THRB: variants seen among roughly 807,000 people sequenced by gnomAD.
The protein encoded by THRB is thyroid hormone receptor beta.
THRB carries 12 observed loss-of-function variants against 47.8 expected under a neutral mutation model. The ratio of observed to expected loss-of-function variants is 0.25; its 90% CI spans 0.16 to 0.41. The LOEUF (loss-of-function observed/expected upper bound fraction) is 0.41, where lower values mean the gene tolerates loss of function less well. Among genes scored for constraint, THRB ranks in the 10% least tolerant of loss-of-function variants. THRB has a pLI of 1.00. For missense variants in THRB, 348 were observed against 589.2 expected (o/e 0.59, Z 4.24); for synonymous variants, 218 against 212.2 (o/e 1.03, Z -0.24).
At chr3:24,272,015 A>C (rs1910854) in intron 3 of THRB, among the ~76,000 whole-genome samples, 17,630 of 152,200 alleles carry the variant, frequency 0.12, 1,290 homozygotes, top group Middle Eastern at 0.17. Context: ...TTAGCTCCAT[A>C]ATCTTTGGAT....
intron 1 of THRB, among the ~76,000 whole-genome samples, chr3:24,417,095 A>AACACAC (rs67541584): frequency 1.9e-4 from 26 of 135,676 alleles, no homozygotes; most frequent in East Asian, 7.8e-4. Context: ...ATTTTAAACC[A>AACACAC]ACACACACAC....
At chr3:24,186,334 A>G (rs1425349532) in intron 5 of THRB, among the ~76,000 whole-genome samples, 1 of 151,410 alleles carries the variant, frequency 6.6e-6, no homozygotes, top group Non-Finnish European at 1.5e-5. Context: ...TCAGACTGGG[A>G]AGGGAGGAGG....
At chr3:24,351,366 T>C (rs1486104344) in intron 1 of THRB, among the ~76,000 whole-genome samples, 1 of 152,112 alleles carries the variant, frequency 6.6e-6, no homozygotes, top group East Asian at 1.9e-4. Flanking sequence ...TGCCTTCACA[T>C]CCTAATCCTT....
At chr3:24,465,504 G>A (rs1283725094) in intron 1 of THRB, among the ~76,000 whole-genome samples, 2 of 152,106 alleles carry the variant, frequency 1.3e-5, no homozygotes, top group Non-Finnish European at 2.9e-5. Context: ...CTGGGTTCAA[G>A]TGATTCTCCC....
chr3:24,377,702 A>G (rs1428939593), intron 1 of THRB, among the ~76,000 whole-genome samples: 2 of 152,130 alleles, frequency 1.3e-5, no homozygotes, highest in Non-Finnish European at 2.9e-5. Context: ...TGAGAGAGTC[A>G]ACATTTGATA....
At chr3:24,230,470 T>C (rs1265492238) in intron 3 of THRB, among the ~76,000 whole-genome samples, 1 of 152,184 alleles carries the variant, frequency 6.6e-6, no homozygotes, top group Admixed American at 6.5e-5. Flanking sequence ...TATTCACTGC[T>C]AGGAAAATGC....
chr3:24,267,353 T>C (rs1338647628), intron 3 of THRB, among the ~76,000 whole-genome samples: 1 of 151,440 alleles, frequency 6.6e-6, no homozygotes, highest in Non-Finnish European at 1.5e-5. Flanking sequence ...AAAGGTATAA[T>C]GTTAGAAACT....
In THRB at chr3:24,190,216, G is replaced by A. The variant is rs1174766173; in HGVS notation, c.141C>T (p.Ser47=). 8.1e-6 allele frequency: 13 copies of A among 1,613,994 alleles called. No homozygotes were observed. The highest frequency in any genetic ancestry group is 1.1e-5 in the Non-Finnish European group (13 of 1,179,990). Residue 47 remains serine (S), a synonymous_variant, in exon 5 of 11, where the codon AGC becomes AGT. Transcript: ENST00000646209. ...GCGACGACTGTTCATTTTTCAACGTGCTGCGCCTCTCTGAATGGCTCTTCC... is the reference window on the plus strand; with the variant it reads ...GCGACGACTGTTCATTTTTCAACGTACTGCGCCTCTCTGAATGGCTCTTCC... The part of the protein sequence containing the change: ...LHRKSHSERR[S]TLKNEQSSPH...
chr3:24,232,481 G>T (rs1213190272), intron 3 of THRB, among the ~76,000 whole-genome samples: 1 of 152,210 alleles, frequency 6.6e-6, no homozygotes, highest in African/African-American at 2.4e-5. Context: ...TTTGAGTGGA[G>T]GTGACCCCAG....
chr3:24,159,425 C>T (rs2038412125), intron 5 of THRB, among the ~76,000 whole-genome samples: 1 of 152,196 alleles, frequency 6.6e-6, no homozygotes, highest in South Asian at 2.1e-4. Flanking sequence ...GAACCCAAAT[C>T]CCAACAATGG....
chr3:24,439,998 T>C (rs79743453), intron 1 of THRB, among the ~76,000 whole-genome samples: 7 of 152,342 alleles, frequency 4.6e-5, no homozygotes, highest in African/African-American at 1.7e-4. Flanking sequence ...AGCAGTTCAA[T>C]TAATGCAGTC....
At chr3:24,164,938 T>C in intron 5 of THRB, 3 of 629,010 alleles carry the variant, frequency 4.8e-6, no homozygotes, top group South Asian at 3.9e-5. Context: ...AATTCAAAGA[T>C]TTGACGAAGC....
At chr3:24,392,623 T>C (rs1175263110) in intron 1 of THRB, among the ~76,000 whole-genome samples, 2 of 152,160 alleles carry the variant, frequency 1.3e-5, no homozygotes, top group Non-Finnish European at 2.9e-5. Context: ...AGCCAAGTCC[T>C]ACACTTCTCA....
In THRB at chr3:24,281,903, C is replaced by T. The variant is rs554286687; in HGVS notation, c.-43+15323G>A. On this transcript the variant is annotated intron_variant, in intron 3 of 10. Coordinates refer to ENST00000646209, the MANE Select transcript of THRB (RefSeq NM_001354712.2). ...GAGCTACCTATCCTAAATATATATG[C>T]ACCCAATACAGGAGCACCCAGATTC... Among the ~76,000 whole-genome samples, 455 of 151,232 alleles carry T rather than the reference C, an allele frequency of 3.0e-3. 3 individuals carry two copies. The highest frequency in any genetic ancestry group is 0.027 in the Middle Eastern group (8 of 292).
At chr3:24,185,094 TTAA>T (rs1273620142) in intron 5 of THRB, among the ~76,000 whole-genome samples, 1 of 152,212 alleles carries the variant, frequency 6.6e-6, no homozygotes, top group Non-Finnish European at 1.5e-5. Context: ...AGAGCATGAA[TTAA>T]TAGTTTTCCC....
At chr3:24,396,302 A>G (rs977057703) in intron 1 of THRB, among the ~76,000 whole-genome samples, 1 of 152,092 alleles carries the variant, frequency 6.6e-6, no homozygotes, top group Non-Finnish European at 1.5e-5. Context: ...ACCCTAGACC[A>G]GTTATATCAG....
At chr3:24,251,659 G>T (rs2050679339) in intron 3 of THRB, among the ~76,000 whole-genome samples, 1 of 151,902 alleles carries the variant, frequency 6.6e-6, no homozygotes, top group East Asian at 1.9e-4. Context: ...AAAATCATGG[G>T]AAAAACTTAA....
At chr3:24,356,578 T>C (rs2149591696) in intron 1 of THRB, among the ~76,000 whole-genome samples, 1 of 152,286 alleles carries the variant, frequency 6.6e-6, no homozygotes, top group East Asian at 1.9e-4. Context: ...CTGGCTTTGC[T>C]AAGACCCCAC....
intron 1 of THRB, among the ~76,000 whole-genome samples, chr3:24,462,718 C>T (rs1415860686): frequency 6.6e-6 from 1 of 152,116 alleles, no homozygotes; most frequent in African/African-American, 2.4e-5. Flanking sequence ...TTTGTTCCTG[C>T]CCAGATTCTT....
Sources: gnomAD v4.1 joint callset for allele counts (sites outside exome capture counted in the v4.1 genomes callset) on GRCh38, gnomAD v4.1.1 for gene constraint, MANE v1.5 for transcripts, NCBI Gene and HGNC (gene_info 2026-07-23, HGNC 2026-07-21) for gene names.